Variants in MPO observed in about 807,000 individuals in gnomAD.
MPO encodes the protein myeloperoxidase.
A neutral mutation model predicts 69.4 loss-of-function variants in MPO; 57 were observed. The ratio of observed to expected loss-of-function variants is 0.82; its 90% CI spans 0.66 to 1.02. The LOEUF (loss-of-function observed/expected upper bound fraction) is 1.02, where lower values mean the gene tolerates loss of function less well. MPO is among the 50% of genes least tolerant of loss of function. The pLI is 0.00. For missense variants in MPO, 971 were observed against 1,014.1 expected (o/e 0.96, Z 0.58); for synonymous variants, 426 against 417.1 (o/e 1.02, Z -0.26).
In MPO at chr17:58,277,382, G is replaced by A. The variant is rs528224279; in HGVS notation, c.1204+445C>T. On this transcript the variant is annotated intron_variant, in intron 7 of 11. Coordinates refer to ENST00000225275, the MANE Select transcript of MPO (RefSeq NM_000250.2). The stretch of plus-strand genomic sequence containing the variant: ...TGTGGTTAGCACCGCTGAGAAACTG[G>A]GTTTATTTAATTTAAAATAACTAAA... 2.6e-5 allele frequency among the ~76,000 whole-genome samples: 4 copies of A among 152,266 alleles called. No homozygotes were observed. The East Asian group carries it at 7.7e-4, about 29-fold the overall frequency.
Position 58,275,524 on chromosome 17 carries a change from G to A in MPO, c.1365+18C>T, listed in dbSNP as rs755786716. 10 of 1,614,032 alleles carry A rather than the reference G, an allele frequency of 6.2e-6. No individual in the cohort carries two copies. The highest frequency in any genetic ancestry group is 5.3e-5 in the African/African-American group (4 of 74,936). ...GACACATCTGGATCCCGTGTGCCCG[G>A]TGTTCAAGACGGCCTACCTGGACCA... is the stretch of plus-strand genomic sequence containing the variant. On this transcript the variant is annotated intron_variant, in intron 8 of 11. Coordinates refer to ENST00000225275, the MANE Select transcript of MPO (RefSeq NM_000250.2). This position sits in a 1 kb window ranked among gnomAD's most constrained non-coding sequence, Gnocchi z 4.1.
chr17:58,273,070 G>T, intron 9 of MPO, 152 bp from the exon 10 acceptor site: 1 of 961,778 alleles, frequency 1.0e-6, no homozygotes, highest in Non-Finnish European at 1.6e-6. Context: ...GCCCCAGTGA[G>T]CAGGTCCTCA....
At chr17:58,280,514 C>T (rs982292305) in intron 1 of MPO, 55 bp from the exon 2 acceptor site, 6 of 1,613,690 alleles carry the variant, frequency 3.7e-6, no homozygotes, top group South Asian at 2.2e-5. Flanking sequence ...CCTATCAGGC[C>T]CCAGAGCTAG....
At chr17:58,279,676 G>C in intron 3 of MPO, 30 bp from the exon 4 acceptor site, 1 of 1,614,022 alleles carries the variant, frequency 6.2e-7, no homozygotes, top group Non-Finnish European at 8.5e-7. Context: ...TGGGGGAGCT[G>C]AGCCGCCTCA....
At position 58,270,935 on chromosome 17, in the gene MPO, C is replaced by T; in HGVS notation, c.2031-72G>A. On this transcript the variant is annotated intron_variant, in intron 11 of 11. Coordinates refer to ENST00000225275, the MANE Select transcript of MPO (RefSeq NM_000250.2). The surrounding 1 kb of genome is among the most constrained non-coding windows in gnomAD (Gnocchi z 4.1). ...CTGGCAGGGCATCGATGGGCTTGTG[C>T]TGCTCCCAGGATATAACAAAGCCAC... is the stretch of plus-strand genomic sequence containing the variant. The T allele has an allele frequency of 6.5e-7, 1 of 1,543,108 alleles. No individual in the cohort carries two copies. The highest frequency in any genetic ancestry group is 8.9e-7 in the Non-Finnish European group (1 of 1,119,484).
chr17:58,273,581 G>A lies in MPO; in HGVS notation c.1454C>T (p.Ser485Leu). 1.2e-6 allele frequency: 2 copies of A among 1,614,266 alleles called. No homozygotes were observed. Among genetic ancestry groups the A allele is most frequent in the Non-Finnish European group, 1.7e-6 (2 of 1,180,048 alleles). The change falls in exon 9 of 12, where the codon TCA becomes TTA. Residue 485 changes from serine to leucine, a missense_variant. Ser to Leu is a moderately radical substitution (Grantham distance 145). Transcript: ENST00000225275. The stretch of plus-strand genomic sequence containing the variant: ...GACGTTGGCGATGCGTGGGTCCACT[G>A]AGTCATTGTAGGAACGGTACGTGGG... ...YLPTYRSYND[S>L]VDPRIANVFT... is the part of the protein sequence containing the mutation.
Position 58,279,067 on chromosome 17 carries a change from C to A in MPO, c.826G>T (p.Val276Phe). Residue 276 changes from valine (V) to phenylalanine (F), a missense_variant, in exon 6 of 12, where the codon GTC (valine) becomes TTC (phenylalanine). Val to Phe is a conservative substitution (Grantham distance 50). Transcript: ENST00000225275. ...CTGGTCTCGCAGTTGACGCCAGTGA[C>A]GAAGGAGGCCCGGGCGGCCGGCTCA... ...TPEPAARASFVTGVNCETSCV... is the reference protein window; with the variant it reads ...TPEPAARASFFTGVNCETSCV... 1 of 1,613,000 alleles carries A rather than the reference C, an allele frequency of 6.2e-7. No homozygotes were observed. Among genetic ancestry groups the A allele is most frequent in the Non-Finnish European group, 8.5e-7 (1 of 1,179,714 alleles).
At chr17:58,272,099 T>C (rs1433234376) in intron 10 of MPO, among the ~76,000 whole-genome samples, 1 of 152,214 alleles carries the variant, frequency 6.6e-6, no homozygotes, top group African/African-American at 2.4e-5. Context: ...CAACTGGGCC[T>C]CTCTGGGACC....
At position 58,271,682 on chromosome 17, in the gene MPO, T is replaced by G; in HGVS notation, c.2003A>C (p.Gln668Pro). ...ATCACCATCCCGGAGCTTCCTGAACTGGGTACCGATGATGCAGGCGAGGAG... is the reference window on the plus strand; with the variant it reads ...ATCACCATCCCGGAGCTTCCTGAACGGGGTACCGATGATGCAGGCGAGGAG... Reference protein sequence around the residue: ...GPLLACIIGTQFRKLRDGDRF... With the variant: ...GPLLACIIGTPFRKLRDGDRF... Residue 668 changes from glutamine to proline, a missense_variant, in exon 11 of 12, where the codon CAG becomes CCG. Transcript: ENST00000225275. 1 of 1,613,944 alleles carries G rather than the reference T, an allele frequency of 6.2e-7. No homozygotes were observed. The highest frequency in any genetic ancestry group is 8.5e-7 in the Non-Finnish European group (1 of 1,180,042).
Position 58,275,271 on chromosome 17 carries a change from C to A in MPO, c.1365+271G>T, listed in dbSNP as rs1167742677. Among the ~76,000 whole-genome samples the A allele has an allele frequency of 6.6e-6, 1 of 152,126 alleles. No homozygotes were observed. The highest frequency in any genetic ancestry group is 2.4e-5 in the African/African-American group (1 of 41,410). The stretch of plus-strand genomic sequence containing the variant: ...ACTGAACAGCTACTTGGGCGCTAAA[C>A]CAAACATTCAACCCTCCCAACACCA... On this transcript the variant is annotated intron_variant, in intron 8 of 11. Coordinates refer to ENST00000225275, the MANE Select transcript of MPO (RefSeq NM_000250.2). This position sits in a 1 kb window ranked among gnomAD's most constrained non-coding sequence, Gnocchi z 4.1.
rs11555567 is a variant in MPO at position 58,270,503 on chromosome 17, G to A, written c.*153C>T. 39 of 723,882 alleles carry A rather than the reference G, an allele frequency of 5.4e-5. No homozygotes were observed. Among genetic ancestry groups the A allele is most frequent in the African/African-American group, 3.8e-4 (22 of 57,290 alleles). The allele number at this position is 723,882 out of a possible 1,614,324, so 44.8% of individuals were successfully genotyped here. A position where few individuals can be genotyped will look rare whatever the true frequency, so the allele number is the denominator to read the frequency against. ...CATGAAAAGCCAATTTATATACTTC[G>A]CACATACATGAGCACACAAATGAAC... On this transcript the variant is annotated 3_prime_UTR_variant, in exon 12 of 12. Coordinates refer to ENST00000225275, the MANE Select transcript of MPO (RefSeq NM_000250.2). The surrounding 1 kb of genome is among the most constrained non-coding windows in gnomAD (Gnocchi z 4.1).
At chr17:58,279,762 A>G in intron 3 of MPO, 77 bp downstream of exon 3, 1 of 1,613,194 alleles carries the variant, frequency 6.2e-7, no homozygotes, top group Non-Finnish European at 8.5e-7. Context: ...AGTTGAGGGG[A>G]TCACTGAGAG....
chr17:58,280,779 C>T lies in MPO; in HGVS notation c.-21G>A. On this transcript the variant is annotated 5_prime_UTR_variant, in exon 1 of 12. Transcript: ENST00000225275. ...CCCATCTCTCTTCTCCTGGGCTGCT[C>T]AATCCCCCTTTGTACCTCAGCCCCA... The T allele has an allele frequency of 1.2e-6, 2 of 1,613,812 alleles. No individual in the cohort carries two copies. The highest frequency in any genetic ancestry group is 2.2e-5 in the South Asian group (2 of 90,950).
intron 8 of MPO, among the ~76,000 whole-genome samples, chr17:58,274,909 G>T (rs1473660535): frequency 6.6e-6 from 1 of 151,738 alleles, no homozygotes; most frequent in Non-Finnish European, 1.5e-5. Flanking sequence ...CTGTCACCCA[G>T]GCTGGAGTGC....
At chr17:58,279,265 G>C (rs555410677) in intron 5 of MPO, 32 bp downstream of exon 5, 7 of 1,564,332 alleles carry the variant, frequency 4.5e-6, no homozygotes, top group East Asian at 4.7e-5. Flanking sequence ...CCGCGTGGCC[G>C]GGCCTCGCCC....
At chr17:58,280,093 T>C (rs977937814) in intron 2 of MPO, 79 bp from the exon 3 acceptor site, 8 of 1,564,958 alleles carry the variant, frequency 5.1e-6, no homozygotes, top group Non-Finnish European at 7.0e-6. Flanking sequence ...GGGGCAGACA[T>C]GCAGGACCAT....
Position 58,271,813 on chromosome 17 carries a change from C to G in MPO, c.1872G>C (p.Leu624=). 6.2e-7 allele frequency: 1 copy of G among 1,614,228 alleles called. No homozygotes were observed. The highest frequency in any genetic ancestry group is 8.5e-7 in the Non-Finnish European group (1 of 1,180,044). ...VGQLGTVLRN[L]KLARKLMEQY... ...GCTCCATCAGTTTCCTCGCCAATTT[C>G]AGGTTCCTCAGCACCGTGCCCAGCT... The change falls in exon 11 of 12, where the codon CTG becomes CTC. Residue 624 remains leucine, a synonymous_variant. Transcript: ENST00000225275.
intron 8 of MPO, among the ~76,000 whole-genome samples, chr17:58,274,781 C>T (rs1970414967): frequency 6.6e-6 from 1 of 151,964 alleles, no homozygotes; most frequent in Admixed American, 6.6e-5. Flanking sequence ...GATCGCACCA[C>T]TGCACTCCAG....
intron 11 of MPO, among the ~76,000 whole-genome samples, chr17:58,271,260 T>G (rs1167048312): frequency 6.6e-6 from 1 of 151,562 alleles, no homozygotes; most frequent in African/African-American, 2.4e-5. Flanking sequence ...TTCCCAAAGG[T>G]GCAGTACAGG....
Sources: gnomAD v4.1 joint callset for allele counts (sites outside exome capture counted in the v4.1 genomes callset) on GRCh38, gnomAD v4.1.1 for gene constraint, Gnocchi (gnomAD v3.1) non-coding constraint, MANE v1.5 for transcripts, NCBI Gene and HGNC (gene_info 2026-07-23, HGNC 2026-07-21) for gene names.